The following DMD variants were observed in gnomAD, a reference collection of about 807,000 sequenced individuals.
DMD encodes mutant dystrophin.
DMD carries 63 observed loss-of-function variants against 330.1 expected under a neutral mutation model. That is an observed-to-expected ratio of 0.19 (90% confidence interval 0.16 to 0.24). The LOEUF (loss-of-function observed/expected upper bound fraction) is 0.24, where lower values mean the gene tolerates loss of function less well. Ranked by LOEUF, DMD falls within the 10% of genes least tolerant of loss-of-function variation. The probability of loss-of-function intolerance (pLI) is 1.00; values close to 1 mark genes in which losing one functional copy is unlikely to be tolerated. For missense variants in DMD, 3,344 were observed against 2,684.1 expected (o/e 1.25, Z -5.43); for synonymous variants, 1,223 against 959.8 (o/e 1.27, Z -5.07).
At chrX:32,279,987 T>TATATATATGTACCCCAC (rs1569555710) in intron 43 of DMD, among the ~76,000 whole-genome samples, 32 of 95,005 alleles carry the variant, frequency 3.4e-4, no homozygotes, top group African/African-American at 9.8e-4. Flanking sequence ...GTACCCCACA[T>TATATATATGTACCCCAC]ATATATATAT....
intron 1 of DMD, among the ~76,000 whole-genome samples, chrX:33,188,641 T>C (rs1306482290): frequency 1.8e-5 from 2 of 111,795 alleles, no homozygotes; most frequent in African/African-American, 6.5e-5. Context: ...CAGATGCCAA[T>C]TTTTGTTTGC....
intron 16 of DMD, among the ~76,000 whole-genome samples, chrX:32,556,713 A>C (rs1015717760): frequency 9.0e-6 from 1 of 111,535 alleles, no homozygotes; most frequent in Non-Finnish European, 1.9e-5. Flanking sequence ...CAGGCTAATA[A>C]ATTTTCCTTT....
At chrX:32,185,579 T>A (rs2147512599) in intron 44 of DMD, among the ~76,000 whole-genome samples, 1 of 111,617 alleles carries the variant, frequency 9.0e-6, no homozygotes, top group South Asian at 3.7e-4. Context: ...TGTTGCAAGT[T>A]TTCTGTGTTA....
chrX:31,434,849 C>T (rs2064395563), intron 60 of DMD, among the ~76,000 whole-genome samples: 1 of 111,921 alleles, frequency 8.9e-6, no homozygotes, highest in South Asian at 3.8e-4. Context: ...TCATACAACC[C>T]TCCTACTTTA....
chrX:31,784,450 C>A (rs779654879), intron 50 of DMD, among the ~76,000 whole-genome samples: 151 of 111,596 alleles, frequency 1.4e-3, no homozygotes, highest in African/African-American at 4.8e-3. Context: ...TTCCTCAAAA[C>A]ATAAAAATAG....
intron 44 of DMD, among the ~76,000 whole-genome samples, chrX:32,201,222 A>T (rs765010940): frequency 8.9e-6 from 1 of 112,142 alleles, no homozygotes; most frequent in African/African-American, 3.2e-5. Flanking sequence ...TAAAAATAGA[A>T]CAATTATAAC....
At chrX:32,849,944 C>A in intron 2 of DMD, 124 bp from the exon 3 acceptor site, 4 of 546,532 alleles carry the variant, frequency 7.3e-6, no homozygotes, top group African/African-American at 2.4e-5. Context: ...ATTAATCTGC[C>A]GAAGATGACG....
chrX:32,316,775 C>G (rs900418215), intron 41 of DMD, among the ~76,000 whole-genome samples: 1 of 110,209 alleles, frequency 9.1e-6, no homozygotes, highest in African/African-American at 3.3e-5. Context: ...GAAATTGAAT[C>G]AAAAGAGAAC....
intron 60 of DMD, among the ~76,000 whole-genome samples, chrX:31,438,440 G>C (rs945530865): frequency 5.4e-5 from 6 of 111,500 alleles, no homozygotes; most frequent in Admixed American, 2.9e-4. Context: ...TTGGTATGTG[G>C]AGCCCAGTTA....
intron 47 of DMD, among the ~76,000 whole-genome samples, chrX:31,878,262 A>G (rs1395815523): frequency 1.8e-5 from 2 of 111,851 alleles, no homozygotes; most frequent in East Asian, 2.8e-4. Context: ...TCCCACCATC[A>G]TAACATTTAC....
At chrX:31,172,314 A>G (rs1285536437) in intron 73 of DMD, 34 bp downstream of exon 73, 4 of 1,028,670 alleles carry the variant, frequency 3.9e-6, no homozygotes, top group East Asian at 3.1e-5. Context: ...TTTCATTGTC[A>G]GGAACATTTT....
chrX:32,196,711 C>T lies in DMD; in HGVS notation c.6438+20205G>A, dbSNP rs183424733. Among the ~76,000 whole-genome samples, 266 of 110,172 alleles carry T rather than the reference C, an allele frequency of 2.4e-3. 2 individuals carry two copies. The highest frequency in any genetic ancestry group is 9.7e-3 in the Middle Eastern group (2 of 206). On this transcript the variant is annotated intron_variant, in intron 44 of 78. Transcript: ENST00000357033. Reference sequence around the variant, plus strand: ...TGATAAAACAAGACAGGTGGCCTGGCACGGTGGCTCACGCCTGTAATCCCA... The same window carrying T: ...TGATAAAACAAGACAGGTGGCCTGGTACGGTGGCTCACGCCTGTAATCCCA...
chrX:32,393,159 T>A (rs907263818), intron 30 of DMD, among the ~76,000 whole-genome samples: 8 of 111,951 alleles, frequency 7.1e-5, no homozygotes, highest in African/African-American at 2.6e-4. Context: ...CCTGTTTCCA[T>A]ATGAAAAACC....
chrX:32,111,480 T>C (rs919293218), intron 44 of DMD, among the ~76,000 whole-genome samples: 3 of 112,319 alleles, frequency 2.7e-5, no homozygotes, highest in Non-Finnish European at 5.6e-5. Context: ...TGGTTTATAA[T>C]GTATTTGCCC....
chrX:32,194,758 C>T (rs891601283), intron 44 of DMD, among the ~76,000 whole-genome samples: 1 of 111,660 alleles, frequency 9.0e-6, no homozygotes, highest in Non-Finnish European at 1.9e-5. Context: ...TATGATTATC[C>T]TATATGGATT....
chrX:33,155,295 T>C (rs897937816), intron 1 of DMD, among the ~76,000 whole-genome samples: 2 of 109,869 alleles, frequency 1.8e-5, no homozygotes, highest in Non-Finnish European at 3.8e-5. Flanking sequence ...AGCTTAGACA[T>C]AGACAATGTT....
At chrX:33,096,581 C>T (rs779511799) in intron 1 of DMD, among the ~76,000 whole-genome samples, 175 of 107,897 alleles carry the variant, frequency 1.6e-3, no homozygotes, top group Non-Finnish European at 2.7e-3. Context: ...TCTTGGCTCA[C>T]TGCAACCTCT....
At chrX:31,710,612 G>A (rs761315154) in intron 52 of DMD, among the ~76,000 whole-genome samples, 21 of 111,186 alleles carry the variant, frequency 1.9e-4, no homozygotes, top group Non-Finnish European at 3.0e-4. Flanking sequence ...AGGACACCCC[G>A]AACACATTAC....
At chrX:32,887,745 C>CAAA (rs771100080) in intron 2 of DMD, among the ~76,000 whole-genome samples, 85 of 6,485 alleles carry the variant, frequency 0.013, 1 homozygote, top group Admixed American at 0.018. Context: ...AAGACTGTCT[C>CAAA]AAAAAAAAAA....
Sources: gnomAD v4.1 joint callset for allele counts (sites outside exome capture counted in the v4.1 genomes callset) on GRCh38, gnomAD v4.1.1 for gene constraint, MANE v1.5 for transcripts, NCBI Gene and HGNC (gene_info 2026-07-23, HGNC 2026-07-21) for gene names.